Variants in ZNF728 observed in about 807,000 individuals in gnomAD.
ZNF728 encodes the protein zinc finger protein 728.
ZNF728 carries 12 observed loss-of-function variants against 12.5 expected under a neutral mutation model. The observed-to-expected ratio is 0.96, with a 90% confidence interval of 0.61 to 1.55. The LOEUF is 1.55. Among genes scored for constraint, ZNF728 ranks in the 40% most tolerant of loss-of-function variants. ZNF728 has a pLI of 0.00. For missense variants in ZNF728, 692 were observed against 719.2 expected (o/e 0.96, Z 0.43); for synonymous variants, 205 against 240.7 (o/e 0.85, Z 1.37).
At chr19:22,981,105 G>T (rs975557905) in intron 3 of ZNF728, among the ~76,000 whole-genome samples, 1 of 150,974 alleles carries the variant, frequency 6.6e-6, no homozygotes, top group African/African-American at 2.4e-5. Flanking sequence ...CTGATTTTTT[G>T]AAAAGATCAA....
At position 22,975,765 on chromosome 19, in the gene ZNF728, A is replaced by T. The variant is rs1392378686; in HGVS notation, c.1572T>A (p.Thr524=). 1.9e-6 allele frequency: 3 copies of T among 1,611,796 alleles called. No individual in the cohort carries two copies. The African/African-American group carries it at 4.0e-5, about 22-fold the overall frequency. ...GKAFSKVANL[T]KHKVIHTGEK... ...CTCCAGTATGAATTACCTTATGTTT[A>T]GTAAGGTTTGCAACCTTACTGAAGG... The change falls in exon 4 of 4, where the codon ACT becomes ACA. Residue 524 remains threonine, a synonymous_variant. Transcript: ENST00000594710.
intron 1 of ZNF728, 38 bp from the exon 2 acceptor site, chr19:22,988,489 G>T: frequency 6.2e-7 from 1 of 1,604,500 alleles, no homozygotes; most frequent in Non-Finnish European, 8.5e-7. Flanking sequence ...TTACCAAGTG[G>T]TCATGGGCAG....
chr19:23,000,716 A>C (rs1969099670), intron 1 of ZNF728, among the ~76,000 whole-genome samples: 1 of 151,712 alleles, frequency 6.6e-6, no homozygotes, highest in Admixed American at 6.6e-5. Context: ...AAAAATACAA[A>C]AAGTAGCCAG....
At position 22,976,955 on chromosome 19, in the gene ZNF728, T is replaced by C. The variant is rs1968812181; in HGVS notation, c.382A>G (p.Lys128Glu). The C allele has an allele frequency of 6.2e-7, 1 of 1,613,450 alleles. No homozygotes were observed. The highest frequency in any genetic ancestry group is 1.7e-5 in the Admixed American group (1 of 59,934). ...CTCTGGTTAAGCTTATTATAACCTT[T>C]TTTGTGCACCTTACACTCATCCACA... ...TNVDECKVHKKGYNKLNQSLT... is the reference protein window; with the variant it reads ...TNVDECKVHKEGYNKLNQSLT... Residue 128 changes from lysine to glutamate, a missense_variant, in exon 4 of 4, where the codon AAA (lysine) becomes GAA (glutamate). Lys to Glu is a moderately conservative substitution (Grantham distance 56, BLOSUM62 1). Around this residue, in one of 3 missense-constraint regions of ZNF728, gnomAD observed 440 missense variants for 459.6 expected, o/e 0.96. Transcript: ENST00000594710.
At chr19:22,981,429 C>G (rs1968860518) in intron 3 of ZNF728, among the ~76,000 whole-genome samples, 1 of 152,184 alleles carries the variant, frequency 6.6e-6, no homozygotes, top group Non-Finnish European at 1.5e-5. Context: ...GATGGATTCA[C>G]AGCTGAATTC....
In ZNF728 at chr19:22,976,194, T is replaced by C; in HGVS notation, c.1143A>G (p.Ser381=). Reference sequence around the variant, plus strand: ...GAATTCTCTTGTGTTCAGTAAGGCTTGAGGGCCAGCTGAAGGCTTTGCCAC... The same window carrying C: ...GAATTCTCTTGTGTTCAGTAAGGCTCGAGGGCCAGCTGAAGGCTTTGCCAC... ...EECGKAFSWP[S]SLTEHKRIHA... Residue 381 remains serine (S), a synonymous_variant, in exon 4 of 4, where the codon TCA becomes TCG. Transcript: ENST00000594710. 1 of 1,613,520 alleles carries C rather than the reference T, an allele frequency of 6.2e-7. No homozygotes were observed. The highest frequency in any genetic ancestry group is 1.1e-5 in the South Asian group (1 of 91,056).
chr19:22,980,178 T>A (rs1397336290), intron 3 of ZNF728, among the ~76,000 whole-genome samples: 5 of 85,376 alleles, frequency 5.9e-5, no homozygotes, highest in African/African-American at 5.2e-5. Flanking sequence ...ACCAAGCAAA[T>A]GGAAAGCAAA....
At chr19:22,992,790 A>C (rs544261079) in intron 1 of ZNF728, among the ~76,000 whole-genome samples, 7 of 152,270 alleles carry the variant, frequency 4.6e-5, no homozygotes, top group African/African-American at 1.4e-4. Context: ...TATCAGCCTG[A>C]CACAATTCTG....
At chr19:22,988,966 G>A (rs1215191989) in intron 1 of ZNF728, among the ~76,000 whole-genome samples, 3 of 147,052 alleles carry the variant, frequency 2.0e-5, no homozygotes, top group South Asian at 2.1e-4. Context: ...CAGGAGAATC[G>A]CTTGAACCCA....
intron 3 of ZNF728, among the ~76,000 whole-genome samples, chr19:22,983,351 TA>T (rs1277270452): frequency 6.6e-6 from 1 of 152,036 alleles, no homozygotes; most frequent in African/African-American, 2.4e-5. Context: ...AAAAGTCAGG[TA>T]ACAACAGATG....
At position 22,976,962 on chromosome 19, in the gene ZNF728, C is replaced by A. The variant is rs760216884; in HGVS notation, c.375G>T (p.Val125=). ...IGCTNVDECK[V]HKKGYNKLNQ... is the part of the protein sequence containing the mutation. ...TAAGCTTATTATAACCTTTTTTGTG[C>A]ACCTTACACTCATCCACATTGGTAC... The change falls in exon 4 of 4, where the codon GTG becomes GTT. Residue 125 remains valine, a synonymous_variant. Coordinates refer to ENST00000594710, the MANE Select transcript of ZNF728 (RefSeq NM_001267716.2). 3.1e-6 allele frequency: 5 copies of A among 1,613,440 alleles called. No homozygotes were observed. The highest frequency in any genetic ancestry group is 4.2e-6 in the Non-Finnish European group (5 of 1,179,744).
intron 3 of ZNF728, among the ~76,000 whole-genome samples, chr19:22,982,003 CAACATAGTATTGGAAGTTCTGGTGAGG>C (rs1968865844): frequency 6.6e-6 from 1 of 152,098 alleles, no homozygotes; most frequent in Non-Finnish European, 1.5e-5. Context: ...CACTCCCATT[CAACATAGTATTGGAAGTTCTGGTGAGG>C]GCAATCAGGC....
At chr19:22,989,051 C>CAAAAAAAA (rs68080575) in intron 1 of ZNF728, among the ~76,000 whole-genome samples, 8 of 50,180 alleles carry the variant, frequency 1.6e-4, no homozygotes, top group Non-Finnish European at 2.0e-4. Context: ...AACTCCATCT[C>CAAAAAAAA]AAAAAAAAAA....
chr19:22,988,950 CTGAGG>C (rs1356487587), intron 1 of ZNF728, among the ~76,000 whole-genome samples: 1 of 146,810 alleles, frequency 6.8e-6, no homozygotes, highest in African/African-American at 2.5e-5. Context: ...ACTTGGGAGG[CTGAGG>C]CAGGAGAATC....
At chr19:22,991,286 T>C (rs532965867) in intron 1 of ZNF728, among the ~76,000 whole-genome samples, 1 of 152,350 alleles carries the variant, frequency 6.6e-6, no homozygotes, top group East Asian at 1.9e-4. Context: ...TAGCACATTA[T>C]GTGATTTAAT....
At chr19:22,988,265 T>C (rs997059172) in intron 2 of ZNF728, 60 bp downstream of exon 2, 6 of 1,611,852 alleles carry the variant, frequency 3.7e-6, no homozygotes, top group Non-Finnish European at 5.1e-6. Flanking sequence ...GCCAATAAAG[T>C]CCACAGCAAA....
chr19:22,975,602 G>C lies in ZNF728; in HGVS notation c.1735C>G (p.Leu579Val). Residue 579 changes from leucine (L) to valine (V), a missense_variant, in exon 4 of 4, where the codon CTT becomes GTT. Leu to Val is a conservative substitution (Grantham distance 32). This residue lies in a region of ZNF728 where 244 missense variants were observed against 235.2 expected (regional missense o/e 1.04). Transcript: ENST00000594710. ...GCATGAATTTTCTTATGTTTGTTAAGGACTGAGACCCAGCTAAAGGCTTTG... is the reference window on the plus strand; with the variant it reads ...GCATGAATTTTCTTATGTTTGTTAACGACTGAGACCCAGCTAAAGGCTTTG... The part of the protein sequence containing the change: ...CGKAFSWVSV[L>V]NKHKKIHAGK... 6.2e-7 allele frequency: 1 copy of C among 1,609,744 alleles called. No individual in the cohort carries two copies. Among genetic ancestry groups the C allele is most frequent in the Non-Finnish European group, 8.5e-7 (1 of 1,179,102 alleles).
intron 3 of ZNF728, among the ~76,000 whole-genome samples, chr19:22,982,103 G>C (rs1465710873): frequency 6.6e-6 from 1 of 152,160 alleles, no homozygotes; most frequent in African/African-American, 2.4e-5. Flanking sequence ...TCTATCTGCA[G>C]ATGACATGAT....
intron 3 of ZNF728, among the ~76,000 whole-genome samples, chr19:22,985,495 A>C (rs1968906166): frequency 6.6e-6 from 1 of 152,200 alleles, no homozygotes. Context: ...TTTGAGATCC[A>C]GGGAGGCAAT....
Sources: gnomAD v4.1 joint callset for allele counts (sites outside exome capture counted in the v4.1 genomes callset) on GRCh38, gnomAD v4.1.1 for gene constraint, gnomAD v4.1.1 regional missense constraint, MANE v1.5 for transcripts, NCBI Gene and HGNC (gene_info 2026-07-23, HGNC 2026-07-21) for gene names.